ADAMTSL3: variants seen among roughly 807,000 people sequenced by gnomAD.
The protein encoded by ADAMTSL3 is ADAMTS-like protein 3.
ADAMTSL3 carries 128 observed loss-of-function variants against 201.7 expected under a neutral mutation model. That is an observed-to-expected ratio of 0.63 (90% CI 0.55 to 0.73). ADAMTSL3 has a LOEUF of 0.73. Ranked by LOEUF, ADAMTSL3 falls within the 30% of genes least tolerant of loss-of-function variation. ADAMTSL3 has a pLI of 0.00. For synonymous variants in ADAMTSL3, 738 were observed against 748.4 expected, an observed-to-expected ratio of 0.99 and a Z score of 0.23; for missense variants, 1,990 against 2,119.6, an observed-to-expected ratio of 0.94 and a Z score of 1.20.
intron 10 of ADAMTSL3, among the ~76,000 whole-genome samples, chr15:83,886,528 C>T (rs1413278908): frequency 6.6e-6 from 1 of 152,158 alleles, no homozygotes; most frequent in Non-Finnish European, 1.5e-5. Flanking sequence ...TGCTTGATGT[C>T]AGAGTCATGC....
chr15:83,997,006 A>G (rs2067699476), intron 23 of ADAMTSL3, among the ~76,000 whole-genome samples: 1 of 152,192 alleles, frequency 6.6e-6, no homozygotes. Context: ...ATGGAGAAAT[A>G]GGACATCATA....
intron 7 of ADAMTSL3, among the ~76,000 whole-genome samples, chr15:83,843,138 A>C (rs58145339): frequency 6.6e-6 from 1 of 152,170 alleles, no homozygotes; most frequent in Non-Finnish European, 1.5e-5. Context: ...AGGAAAATGC[A>C]TGTGTATTTA....
chr15:83,959,133 A>G (rs2066910794), intron 19 of ADAMTSL3, among the ~76,000 whole-genome samples: 1 of 152,232 alleles, frequency 6.6e-6, no homozygotes, highest in South Asian at 2.1e-4. Flanking sequence ...GGTCAATATC[A>G]AGACATACTC....
chr15:83,982,003 C>A (rs2067392084), intron 20 of ADAMTSL3, among the ~76,000 whole-genome samples: 1 of 152,204 alleles, frequency 6.6e-6, no homozygotes, highest in South Asian at 2.1e-4. Context: ...TCATGCCTCC[C>A]CAAACCAGGG....
intron 27 of ADAMTSL3, among the ~76,000 whole-genome samples, chr15:84,026,767 G>A (rs745544593): frequency 1.1e-4 from 16 of 151,958 alleles, no homozygotes; most frequent in Non-Finnish European, 2.4e-4. Context: ...CACCACATAC[G>A]AAAAAATAAA....
chr15:83,779,134 A>G (rs1013054023), intron 4 of ADAMTSL3, among the ~76,000 whole-genome samples: 3 of 152,184 alleles, frequency 2.0e-5, no homozygotes, highest in African/African-American at 4.8e-5. Context: ...GAGACCTTCA[A>G]AGAGATTTAG....
At chr15:83,808,400 T>C (rs566607213) in intron 5 of ADAMTSL3, among the ~76,000 whole-genome samples, 2 of 152,246 alleles carry the variant, frequency 1.3e-5, no homozygotes, top group African/African-American at 4.8e-5. Flanking sequence ...ACATCACTAA[T>C]CATCAGAGAA....
In ADAMTSL3 at chr15:83,970,591, A is replaced by G. The variant is rs748312418; in HGVS notation, c.2598A>G (p.Leu866=). Residue 866 remains leucine (L), a synonymous_variant, in exon 20 of 30, where the codon CTA becomes CTG. Transcript: ENST00000286744. ...TCAGTGAGATGATGTGCAGGGATCT[A>G]CCAGGGCTCCCTCTTGTAAGATCTT... is the stretch of plus-strand genomic sequence containing the variant. ...IPLSEMMCRD[L]PGLPLVRSCQ... 1 of 1,614,236 alleles carries G rather than the reference A, an allele frequency of 6.2e-7. No homozygotes were observed. The highest frequency in any genetic ancestry group is 1.1e-5 in the South Asian group (1 of 91,080).
chr15:84,037,099 A>G, intron 29 of ADAMTSL3, 112 bp downstream of exon 29: 1 of 1,107,942 alleles, frequency 9.0e-7, no homozygotes, highest in Non-Finnish European at 1.3e-6. Context: ...TCAGTGTCCC[A>G]ACTGAGGGGC....
chr15:83,897,820 TAAAAG>T, intron 13 of ADAMTSL3, 33 bp from the exon 14 acceptor site: 1 of 1,547,836 alleles, frequency 6.5e-7, no homozygotes, highest in Non-Finnish European at 8.7e-7. Context: ...GTGGTTCTCT[TAAAAG>T]AAATGCGTTG....
At chr15:83,981,256 C>T (rs77038617) in intron 20 of ADAMTSL3, among the ~76,000 whole-genome samples, 2 of 152,214 alleles carry the variant, frequency 1.3e-5, no homozygotes. Context: ...AGAAATACTT[C>T]TCTTGGGGAC....
intron 3 of ADAMTSL3, among the ~76,000 whole-genome samples, chr15:83,725,656 C>T (rs759320955): frequency 6.6e-6 from 1 of 152,164 alleles, no homozygotes; most frequent in Non-Finnish European, 1.5e-5. Context: ...AAGAGACTCT[C>T]CTTTCCCCAG....
rs78188144 is a variant in ADAMTSL3, at chr15:83,977,260, C to T, written c.2645-5013C>T. Among the ~76,000 whole-genome samples, 372 of 151,790 alleles carry T rather than the reference C, an allele frequency of 2.5e-3. 1 individual carries two copies. Among genetic ancestry groups the T allele is most frequent in the African/African-American group, 8.6e-3 (353 of 41,096 alleles). ...AAAACCATCTAGCCCCCAATCCCCA[C>T]CCCGACAACTGGTTTGTGGAAAAAC... On this transcript the variant is annotated intron_variant, in intron 20 of 29. Transcript: ENST00000286744.
intron 23 of ADAMTSL3, among the ~76,000 whole-genome samples, chr15:83,993,357 A>G (rs1189037003): frequency 6.6e-6 from 1 of 152,214 alleles, no homozygotes; most frequent in African/African-American, 2.4e-5. Flanking sequence ...TCAGTTTTTC[A>G]TCTTATAGAT....
intron 9 of ADAMTSL3, among the ~76,000 whole-genome samples, chr15:83,873,127 A>G (rs2065112872): frequency 6.9e-6 from 1 of 144,388 alleles, no homozygotes; most frequent in Non-Finnish European, 1.5e-5. Context: ...CAACATGATG[A>G]AACCTCATCT....
At chr15:83,994,685 C>T (rs2141843637) in intron 23 of ADAMTSL3, among the ~76,000 whole-genome samples, 1 of 145,146 alleles carries the variant, frequency 6.9e-6, no homozygotes, top group Non-Finnish European at 1.5e-5. Flanking sequence ...CAATCTCTGC[C>T]TCCCAGGTTC....
chr15:83,718,491 G>T (rs1043855328), intron 3 of ADAMTSL3, among the ~76,000 whole-genome samples: 2 of 152,180 alleles, frequency 1.3e-5, no homozygotes, highest in East Asian at 1.9e-4. Flanking sequence ...ATCACTTGAG[G>T]TCAGGAGTTT....
intron 2 of ADAMTSL3, among the ~76,000 whole-genome samples, chr15:83,671,149 T>C (rs2061324879): frequency 6.6e-6 from 1 of 152,246 alleles, no homozygotes; most frequent in Non-Finnish European, 1.5e-5. Flanking sequence ...TTTCAGGTTT[T>C]TATATCAAGA....
At chr15:83,868,247 T>C (rs4842918) in intron 8 of ADAMTSL3, among the ~76,000 whole-genome samples, 36,850 of 152,102 alleles carry the variant, frequency 0.24, 4,936 homozygotes, top group Non-Finnish European at 0.28. Context: ...TCTCACTAGC[T>C]ATGAATCACA....
Sources: allele counts gnomAD v4.1 joint callset (sites outside exome capture counted in the v4.1 genomes callset), GRCh38; gene constraint gnomAD v4.1.1; transcripts MANE v1.5; gene names NCBI Gene and HGNC (gene_info 2026-07-23, HGNC 2026-07-21).